The following KLHL40 variants were observed in gnomAD, a reference collection of about 807,000 sequenced individuals.
KLHL40 encodes the protein kelch-like protein 40.
In KLHL40, 44 loss-of-function variants were observed where a neutral mutation model predicts 49.7. The observed-to-expected ratio is 0.89, with a 90% CI of 0.70 to 1.14. KLHL40 has a LOEUF of 1.14. Ranked by LOEUF, KLHL40 falls within the 50% of genes most tolerant of loss-of-function variation. KLHL40 has a pLI of 0.00. For missense variants in KLHL40, 892 were observed against 850.3 expected (o/e 1.05, Z -0.61); for synonymous variants, 409 against 365.2 (o/e 1.12, Z -1.37).
intron 4 of KLHL40, among the ~76,000 whole-genome samples, chr3:42,690,506 G>T (rs1216406391): frequency 6.6e-6 from 1 of 152,184 alleles, no homozygotes; most frequent in Non-Finnish European, 1.5e-5. Context: ...CCGCTGAGGG[G>T]CAAAAGGACT....
Position 42,688,923 on chromosome 3 carries a change from G to A in KLHL40, c.1476G>A (p.Glu492=), listed in dbSNP as rs1575220570. 3 of 1,614,208 alleles carry A rather than the reference G, an allele frequency of 1.9e-6. No individual in the cohort carries two copies. Among genetic ancestry groups the A allele is most frequent in the Non-Finnish European group, 2.5e-6 (3 of 1,180,042 alleles). Residue 492 remains glutamate (E), a synonymous_variant, in exon 4 of 6, where the codon GAG becomes GAA. Coordinates refer to ENST00000287777, the MANE Select transcript of KLHL40 (RefSeq NM_152393.4). This position sits in a 1 kb window ranked among gnomAD's most constrained non-coding sequence, Gnocchi z 4.2. ...ACCCCAAGAAGTTTGAGTGGAAGGA[G>A]CTGGCACCCATGCAGACCGCCCGCT... is the stretch of plus-strand genomic sequence containing the variant. ...VYDPKKFEWK[E]LAPMQTARSL...
chr3:42,687,417 G>T (rs948321932), intron 1 of KLHL40, among the ~76,000 whole-genome samples: 6 of 152,140 alleles, frequency 3.9e-5, no homozygotes, highest in Non-Finnish European at 8.8e-5. Flanking sequence ...GGTGTGCTCA[G>T]GGAGGCCTGA....
chr3:42,689,126 G>T, intron 4 of KLHL40, 72 bp downstream of exon 4: 2 of 1,353,648 alleles, frequency 1.5e-6, no homozygotes, highest in South Asian at 1.3e-5. Flanking sequence ...AGCAGGAGCT[G>T]CAGTCCCTGT....
Position 42,685,906 on chromosome 3 carries a change from G to A in KLHL40, c.288G>A (p.Leu96=), listed in dbSNP as rs772428570. The change falls in exon 1 of 6, where the codon CTG becomes CTA. Residue 96 remains leucine, a synonymous_variant. Coordinates refer to ENST00000287777, the MANE Select transcript of KLHL40 (RefSeq NM_152393.4). The stretch of plus-strand genomic sequence containing the variant: ...ACCTGTACACATCAGAGATCGCGCT[G>A]GATGAGGCGAGCGTGCAGGATTTGT... ...LHYLYTSEIA[L]DEASVQDLFA... The A allele has an allele frequency of 1.5e-5, 24 of 1,611,820 alleles. No homozygotes were observed. In the South Asian group the frequency reaches 2.5e-4, roughly 17 times the overall value.
Position 42,686,519 on chromosome 3 carries a change from ATCCT to A in KLHL40, c.906_909del (p.Pro303GlyfsTer19). ...AGAGGAGGATGAGGAGGCCGAACGT[ATCCT>A]TCCTGGGATCCTCAATGACACCCTG... is the stretch of plus-strand genomic sequence containing the variant. On this transcript the variant is annotated frameshift_variant, in exon 1 of 6. Coordinates refer to ENST00000287777, the MANE Select transcript of KLHL40 (RefSeq NM_152393.4). LOFTEE classifies it high-confidence loss of function. 6.2e-7 allele frequency: 1 copy of A among 1,614,168 alleles called. No homozygotes were observed. The highest frequency in any genetic ancestry group is 1.1e-5 in the South Asian group (1 of 91,072).
chr3:42,689,016 G>A lies in KLHL40; in HGVS notation c.1569G>A (p.Leu523=), dbSNP rs1363542593. ...IVAAGVTDTG[L]TSSAEVYSIT... ...CAGCTGGGGTCACCGACACAGGGCTGACCAGTTCTGCCGAAGTGTACAGCA... is the reference window on the plus strand; with the variant it reads ...CAGCTGGGGTCACCGACACAGGGCTAACCAGTTCTGCCGAAGTGTACAGCA... Residue 523 remains leucine, a synonymous_variant, in exon 4 of 6, where the codon CTG becomes CTA. Coordinates refer to ENST00000287777, the MANE Select transcript of KLHL40 (RefSeq NM_152393.4). 3 of 1,614,140 alleles carry A rather than the reference G, an allele frequency of 1.9e-6. No individual in the cohort carries two copies. In the Admixed American group the frequency reaches 5.0e-5, roughly 27 times the overall value.
In KLHL40 at chr3:42,688,700, C is replaced by A. The variant is rs766839036; in HGVS notation, c.1404C>A (p.Gly468=). ...LSHMDLVYVI[G]GKGSDRKCLN... The stretch of plus-strand genomic sequence containing the variant: ...ACATGGACCTTGTCTACGTAATTGG[C>A]GGCAAAGGCAGTGACAGGTGAGGCT... The change falls in exon 3 of 6, where the codon GGC becomes GGA. Residue 468 remains glycine, a synonymous_variant. Coordinates refer to ENST00000287777, the MANE Select transcript of KLHL40 (RefSeq NM_152393.4). The surrounding 1 kb of genome is among the most constrained non-coding windows in gnomAD (Gnocchi z 4.2). The A allele has an allele frequency of 2.5e-6, 4 of 1,613,554 alleles. No homozygotes were observed. The South Asian group carries it at 4.4e-5, about 18-fold the overall frequency.
At position 42,685,823 on chromosome 3, in the gene KLHL40, G is replaced by T. The variant is rs148721922; in HGVS notation, c.205G>T (p.Ala69Ser). Residue 69 changes from alanine to serine, a missense_variant, in exon 1 of 6, where the codon GCG becomes TCG. Ala to Ser is a moderately conservative substitution (Grantham distance 99). Coordinates refer to ENST00000287777, the MANE Select transcript of KLHL40 (RefSeq NM_152393.4). Reference protein sequence around the residue: ...RARFLAEPERAGELHLEEVSP... With the variant: ...RARFLAEPERSGELHLEEVSP... ...GCGCTTTCTAGCCGAGCCGGAGCGC[G>T]CGGGCGAGCTGCACCTGGAGGAGGT... The T allele has an allele frequency of 2.5e-6, 4 of 1,612,848 alleles. No individual in the cohort carries two copies. The African/African-American group carries it at 5.3e-5, about 22-fold the overall frequency.
intron 4 of KLHL40, among the ~76,000 whole-genome samples, chr3:42,690,507 C>T (rs1697346273): frequency 1.3e-5 from 2 of 151,866 alleles, no homozygotes; most frequent in South Asian, 2.1e-4. Flanking sequence ...CGCTGAGGGG[C>T]AAAAGGACTG....
Position 42,685,638 on chromosome 3 carries a change from A to C in KLHL40, c.20A>C (p.Gln7Pro). 1 of 1,603,726 alleles carries C rather than the reference A, an allele frequency of 6.2e-7. No individual in the cohort carries two copies. Among genetic ancestry groups the C allele is most frequent in the Non-Finnish European group, 8.5e-7 (1 of 1,175,444 alleles). ...CCCACCATGGCGCTGGGCTTGGAGC[A>C]GGCGGAGGAGCAGCGGTTGTACCAG... MALGLE[Q>P]AEEQRLYQQT... The change falls in exon 1 of 6, where the codon CAG becomes CCG. Residue 7 changes from glutamine (Q) to proline (P), a missense_variant. Transcript: ENST00000287777.
At chr3:42,690,765 A>G in intron 4 of KLHL40, 94 bp from the exon 5 acceptor site, 1 of 1,372,838 alleles carries the variant, frequency 7.3e-7, no homozygotes, top group South Asian at 1.4e-5. Flanking sequence ...TGGATTGCAA[A>G]GGGTTGCAGT....
Position 42,688,535 on chromosome 3 carries a change from G to C in KLHL40, c.1314-75G>C. The C allele has an allele frequency of 8.7e-7, 1 of 1,145,536 alleles. No individual in the cohort carries two copies. The highest frequency in any genetic ancestry group is 1.3e-6 in the Non-Finnish European group (1 of 767,868). The allele number at this position is 1,145,536 out of a possible 1,614,324, so 71.0% of individuals were successfully genotyped here. ...TCGAATATGTGTTAGGTGGATGGGC[G>C]GATGGGTGCAGAGACAGGGACTGAG... On this transcript the variant is annotated intron_variant, in intron 2 of 5. Transcript: ENST00000287777. This position sits in a 1 kb window ranked among gnomAD's most constrained non-coding sequence, Gnocchi z 4.2.
chr3:42,688,413 T>C lies in KLHL40; in HGVS notation c.1313+111T>C. On this transcript the variant is annotated intron_variant, in intron 2 of 5. Coordinates refer to ENST00000287777, the MANE Select transcript of KLHL40 (RefSeq NM_152393.4). The surrounding 1 kb of genome is among the most constrained non-coding windows in gnomAD (Gnocchi z 4.2). Reference sequence around the variant, plus strand: ...TGGAGCTAGAGCCTTGTGCTTAGAGTGAAGGTGGGCTTGGGTAAGGGCGGG... The same window carrying C: ...TGGAGCTAGAGCCTTGTGCTTAGAGCGAAGGTGGGCTTGGGTAAGGGCGGG... The C allele has an allele frequency of 8.2e-7, 1 of 1,226,832 alleles. No individual in the cohort carries two copies. Among genetic ancestry groups the C allele is most frequent in the Non-Finnish European group, 1.1e-6 (1 of 873,092 alleles). The allele number at this position is 1,226,832 out of a possible 1,614,324, so 76.0% of individuals were successfully genotyped here. A position where few individuals can be genotyped will look rare whatever the true frequency, so the allele number is the denominator to read the frequency against.
chr3:42,686,840 A>C, intron 1 of KLHL40, 70 bp downstream of exon 1: 1 of 1,373,538 alleles, frequency 7.3e-7, no homozygotes, highest in South Asian at 1.4e-5. Context: ...CTTGGGGCCC[A>C]GAAGGGGCTT....
chr3:42,690,948 C>A lies in KLHL40; in HGVS notation c.1697C>A (p.Ala566Asp). 6.2e-7 allele frequency: 1 copy of A among 1,613,566 alleles called. No individual in the cohort carries two copies. The highest frequency in any genetic ancestry group is 2.2e-5 in the East Asian group (1 of 44,882). ...VGTLYAIGGF[A>D]TLETESGELV... Reference sequence around the variant, plus strand: ...ACCCTCTATGCCATTGGTGGCTTTGCCACACTGGAGACGGAGTCTGGAGAG... The same window carrying A: ...ACCCTCTATGCCATTGGTGGCTTTGACACACTGGAGACGGAGTCTGGAGAG... The change falls in exon 5 of 6, where the codon GCC becomes GAC. Residue 566 changes from alanine (A) to aspartate (D), a missense_variant. Coordinates refer to ENST00000287777, the MANE Select transcript of KLHL40 (RefSeq NM_152393.4).
At position 42,690,805 on chromosome 3, in the gene KLHL40, A is replaced by C. The variant is rs1159984101; in HGVS notation, c.1608-54A>C. On this transcript the variant is annotated intron_variant, in intron 4 of 5. Coordinates refer to ENST00000287777, the MANE Select transcript of KLHL40 (RefSeq NM_152393.4). Reference sequence around the variant, plus strand: ...GCTGTGGGTGCTGGGTGGCAGGGACAGTCACTGGGCTTGCCGAGGCATCCC... The same window carrying C: ...GCTGTGGGTGCTGGGTGGCAGGGACCGTCACTGGGCTTGCCGAGGCATCCC... 2.0e-6 allele frequency: 3 copies of C among 1,532,636 alleles called. No individual in the cohort carries two copies. In the East Asian group the frequency reaches 6.9e-5, roughly 35 times the overall value. 94.9% of individuals were successfully genotyped at this position (1,532,636 alleles called of 1,614,324 possible). A position where few individuals can be genotyped will look rare whatever the true frequency, so the allele number is the denominator to read the frequency against.
At chr3:42,686,848 C>CT in intron 1 of KLHL40, 78 bp downstream of exon 1, 2 of 1,278,246 alleles carry the variant, frequency 1.6e-6, no homozygotes, top group Non-Finnish European at 2.1e-6. Context: ...CCAGAAGGGG[C>CT]TTGTGTCTAC....
rs1323576052 is a variant in KLHL40, at chr3:42,692,342, C to CGATG, written c.*351_*354dup. The CGATG allele has an allele frequency of 1.5e-5, 6 of 411,964 alleles. No homozygotes were observed. The highest frequency in any genetic ancestry group is 1.8e-5 in the Non-Finnish European group (4 of 223,562). 25.5% of individuals were successfully genotyped at this position (411,964 alleles called of 1,614,324 possible). On this transcript the variant is annotated 3_prime_UTR_variant, in exon 6 of 6. Transcript: ENST00000287777. ...ACAGGACTCAGCCTTCTCGTCTGTCCGATGGGAGCATCCCCATCAAGTGCA... is the reference window on the plus strand; with the variant it reads ...ACAGGACTCAGCCTTCTCGTCTGTCCGATGGATGGGAGCATCCCCATCAAGTGCA...
At chr3:42,690,269 G>A (rs567433966) in intron 4 of KLHL40, among the ~76,000 whole-genome samples, 11 of 152,326 alleles carry the variant, frequency 7.2e-5, no homozygotes, top group African/African-American at 1.7e-4. Flanking sequence ...AGGAGGCCAC[G>A]AAGGTGAGGC....
Sources: allele counts gnomAD v4.1 joint callset (sites outside exome capture counted in the v4.1 genomes callset), GRCh38; gene constraint gnomAD v4.1.1; non-coding constraint Gnocchi (gnomAD v3.1); transcripts MANE v1.5; gene names NCBI Gene and HGNC (gene_info 2026-07-23, HGNC 2026-07-21).